The following PLCXD3 variants were observed in gnomAD, a reference collection of about 807,000 sequenced individuals.
PLCXD3 encodes PI-PLC X domain-containing protein 3.
A neutral mutation model predicts 25.5 loss-of-function variants in PLCXD3; 19 were observed. The observed-to-expected ratio is 0.75, with a 90% CI of 0.52 to 1.09. The LOEUF (loss-of-function observed/expected upper bound fraction) is 1.09. Among genes scored for constraint, PLCXD3 ranks in the 50% least tolerant of loss-of-function variants. PLCXD3 has a pLI of 0.00. For synonymous variants in PLCXD3, 174 were observed against 137.6 expected, an observed-to-expected ratio of 1.26 and a Z score of -1.85; for missense variants, 411 against 388.1, an observed-to-expected ratio of 1.06 and a Z score of -0.50.
At chr5:41,504,027 T>C (rs1749007707) in intron 1 of PLCXD3, among the ~76,000 whole-genome samples, 1 of 151,902 alleles carries the variant, frequency 6.6e-6, no homozygotes, top group Non-Finnish European at 1.5e-5. Flanking sequence ...TTTAACCTTT[T>C]CTTGATGGGT....
chr5:41,335,129 G>T (rs767394792), intron 2 of PLCXD3, among the ~76,000 whole-genome samples: 1 of 152,122 alleles, frequency 6.6e-6, no homozygotes, highest in Non-Finnish European at 1.5e-5. Flanking sequence ...CAAATGCACG[G>T]GGAATTTGGG....
chr5:41,339,450 AT>A (rs70988843), intron 2 of PLCXD3, among the ~76,000 whole-genome samples: 8,520 of 147,942 alleles, frequency 0.058, 719 homozygotes, highest in African/African-American at 0.19. Flanking sequence ...AAATCATACT[AT>A]TTTTTTTTTT....
intron 1 of PLCXD3, among the ~76,000 whole-genome samples, chr5:41,470,352 A>G (rs73079774): frequency 0.011 from 1,695 of 151,712 alleles, 27 homozygotes; most frequent in African/African-American, 0.038. Context: ...TGATGAAAAG[A>G]AAGACAATCA....
Position 41,480,910 on chromosome 5 carries a change from AAAAT to A in PLCXD3, c.103+29510_103+29513del, listed in dbSNP as rs577852324. Reference sequence around the variant, plus strand: ...GCATGACAGAGCAAGACTCCATCTCAAAATAAATAAATAAACAAACAAACAAAGT... The same window carrying A: ...GCATGACAGAGCAAGACTCCATCTCAAAATAAATAAACAAACAAACAAAGT... On this transcript the variant is annotated intron_variant, in intron 1 of 2. Transcript: ENST00000377801. Among the ~76,000 whole-genome samples, 677 of 152,190 alleles carry A rather than the reference AAAAT, an allele frequency of 4.4e-3. 7 individuals are homozygous for A. Among genetic ancestry groups the A allele is most frequent in the African/African-American group, 0.016 (645 of 41,512 alleles).
At chr5:41,331,123 G>T (rs1490007847) in intron 2 of PLCXD3, among the ~76,000 whole-genome samples, 2 of 152,154 alleles carry the variant, frequency 1.3e-5, no homozygotes, top group African/African-American at 2.4e-5. Context: ...AGGAAATCAA[G>T]GGTATTCGAT....
intron 2 of PLCXD3, among the ~76,000 whole-genome samples, chr5:41,335,899 A>G (rs745766518): frequency 6.6e-6 from 1 of 152,150 alleles, no homozygotes; most frequent in Non-Finnish European, 1.5e-5. Context: ...GGCTTCATGA[A>G]CTAGCTGTTT....
intron 2 of PLCXD3, among the ~76,000 whole-genome samples, chr5:41,339,007 A>T (rs1006192637): frequency 6.6e-6 from 1 of 152,108 alleles, no homozygotes; most frequent in Admixed American, 6.6e-5. Context: ...AATGTTTCCC[A>T]GTAATTTCAT....
chr5:41,503,373 T>A (rs1034362442), intron 1 of PLCXD3, among the ~76,000 whole-genome samples: 7 of 152,202 alleles, frequency 4.6e-5, no homozygotes, highest in Non-Finnish European at 1.0e-4. Flanking sequence ...TAATTCTATG[T>A]AAAACATAAC....
Position 41,409,957 on chromosome 5 carries a change from G to T in PLCXD3, c.104-27423C>A, listed in dbSNP as rs146862456. Among the ~76,000 whole-genome samples the T allele has an allele frequency of 3.4e-4, 52 of 152,164 alleles. 2 individuals carry two copies. Among genetic ancestry groups the T allele is most frequent in the African/African-American group, 1.2e-3 (50 of 41,514 alleles). Reference sequence around the variant, plus strand: ...TATTAACACTGAGAACTAAGTGCCTGGCACAGAGTAGGTTTTCACCAAATG... The same window carrying T: ...TATTAACACTGAGAACTAAGTGCCTTGCACAGAGTAGGTTTTCACCAAATG... On this transcript the variant is annotated intron_variant, in intron 1 of 2. Transcript: ENST00000377801.
chr5:41,492,532 T>C (rs888057453), intron 1 of PLCXD3, among the ~76,000 whole-genome samples: 1 of 152,212 alleles, frequency 6.6e-6, no homozygotes, highest in Non-Finnish European at 1.5e-5. Context: ...CAGAGTGTTT[T>C]CCAATTTGTT....
chr5:41,326,626 G>C (rs1022552052), intron 2 of PLCXD3, among the ~76,000 whole-genome samples: 2 of 151,666 alleles, frequency 1.3e-5, no homozygotes, highest in Non-Finnish European at 2.9e-5. Context: ...TACCCTTCTT[G>C]GCCAATTGCT....
intron 1 of PLCXD3, among the ~76,000 whole-genome samples, chr5:41,453,637 C>G (rs188818600): frequency 6.6e-6 from 1 of 152,064 alleles, no homozygotes; most frequent in East Asian, 1.9e-4. Flanking sequence ...AAAATAGTTA[C>G]TTATGTTTTA....
At chr5:41,405,675 T>C (rs984941788) in intron 1 of PLCXD3, among the ~76,000 whole-genome samples, 2 of 152,192 alleles carry the variant, frequency 1.3e-5, no homozygotes, top group Admixed American at 1.3e-4. Context: ...AATGGGTCCA[T>C]TGTTCACATG....
chr5:41,503,803 A>C (rs1749001988), intron 1 of PLCXD3, among the ~76,000 whole-genome samples: 1 of 152,142 alleles, frequency 6.6e-6, no homozygotes, highest in African/African-American at 2.4e-5. Context: ...TGAGGACATT[A>C]ATTTCAATGA....
At chr5:41,402,718 T>C (rs974149019) in intron 1 of PLCXD3, among the ~76,000 whole-genome samples, 4 of 152,004 alleles carry the variant, frequency 2.6e-5, no homozygotes, top group Admixed American at 6.6e-5. Flanking sequence ...TTTTGCTTTA[T>C]ATATTTTGAA....
chr5:41,455,523 A>G (rs1020968169), intron 1 of PLCXD3, among the ~76,000 whole-genome samples: 3 of 151,962 alleles, frequency 2.0e-5, no homozygotes, highest in Non-Finnish European at 2.9e-5. Context: ...CTCACAGGCA[A>G]TGGCTGAACA....
intron 1 of PLCXD3, among the ~76,000 whole-genome samples, chr5:41,453,336 C>T (rs1041074976): frequency 1.3e-5 from 2 of 151,662 alleles, no homozygotes; most frequent in Admixed American, 6.6e-5. Flanking sequence ...TGCTACTATG[C>T]TCTGTACCCA....
rs1246512697 is a variant in PLCXD3, at chr5:41,310,077, A to T, written c.*3540T>A. On this transcript the variant is annotated 3_prime_UTR_variant, in exon 3 of 3. Transcript: ENST00000377801. Reference sequence around the variant, plus strand: ...TGGCAAACATTTTATACTCTAATACATTCACTGTTAGGTGGCACTCCATGA... The same window carrying T: ...TGGCAAACATTTTATACTCTAATACTTTCACTGTTAGGTGGCACTCCATGA... 1 of 152,124 alleles carries T rather than the reference A, an allele frequency of 6.6e-6. No homozygotes were observed. Among genetic ancestry groups the T allele is most frequent in the Non-Finnish European group, 1.5e-5 (1 of 68,004 alleles). The allele number at this position is 152,124 out of a possible 1,614,324, so 9.4% of individuals were successfully genotyped here.
chr5:41,474,628 C>A (rs1388606076), intron 1 of PLCXD3, among the ~76,000 whole-genome samples: 1 of 152,150 alleles, frequency 6.6e-6, no homozygotes, highest in Non-Finnish European at 1.5e-5. Context: ...CTGATTCTCT[C>A]ACTTCTCCTT....
Sources: gnomAD v4.1 joint callset for allele counts (sites outside exome capture counted in the v4.1 genomes callset) on GRCh38, gnomAD v4.1.1 for gene constraint, MANE v1.5 for transcripts, NCBI Gene and HGNC (gene_info 2026-07-23, HGNC 2026-07-21) for gene names.